The following MYRIP variants were observed in gnomAD, a reference collection of about 807,000 sequenced individuals.
The protein encoded by MYRIP is rab effector MyRIP.
A neutral mutation model predicts 98.0 loss-of-function variants in MYRIP; 49 were observed. The observed-to-expected ratio is 0.50, with a 90% CI of 0.40 to 0.63. MYRIP has a LOEUF of 0.63. Ranked by LOEUF, MYRIP falls within the 30% of genes least tolerant of loss-of-function variation. The pLI, the probability that MYRIP is intolerant of heterozygous loss-of-function variation, is 0.00. For missense variants in MYRIP, 1,004 were observed against 1,058.2 expected (o/e 0.95, Z 0.71); for synonymous variants, 404 against 409.5 (o/e 0.99, Z 0.16).
At chr3:40,167,076 G>A in intron 6 of MYRIP, 83 bp from the exon 7 acceptor site, 1 of 1,440,572 alleles carries the variant, frequency 6.9e-7, no homozygotes, top group Non-Finnish European at 9.8e-7. Context: ...CTCTGCTTTT[G>A]TGGTCAGGAC....
intron 3 of MYRIP, among the ~76,000 whole-genome samples, chr3:40,140,585 T>C (rs1396723564): frequency 2.6e-5 from 4 of 152,232 alleles, no homozygotes; most frequent in Non-Finnish European, 5.9e-5. Context: ...ACCAACAGTG[T>C]GTGAGAGTTC....
chr3:40,150,518 C>G (rs1950099317), intron 3 of MYRIP, among the ~76,000 whole-genome samples: 1 of 152,066 alleles, frequency 6.6e-6, no homozygotes, highest in African/African-American at 2.4e-5. Flanking sequence ...TTTTATTTTT[C>G]CAAGATGAAT....
chr3:39,952,750 G>A lies in MYRIP; in HGVS notation c.110+51824G>A, dbSNP rs118154315. ...ATTTTCCCCCTCTTTATTTATCTAC[G>A]AATGCCTTTGTTTTGCCCTCATTTT... is the stretch of plus-strand genomic sequence containing the variant. On this transcript the variant is annotated intron_variant, in intron 2 of 16. Transcript: ENST00000302541. Among the ~76,000 whole-genome samples, 168 of 152,144 alleles carry A rather than the reference G, an allele frequency of 1.1e-3. 4 individuals are homozygous for A. In the East Asian group the frequency reaches 0.027, roughly 24 times the overall value.
At chr3:39,967,077 G>A (rs984008882) in intron 2 of MYRIP, among the ~76,000 whole-genome samples, 1 of 152,092 alleles carries the variant, frequency 6.6e-6, no homozygotes, top group Non-Finnish European at 1.5e-5. Flanking sequence ...GGTTATTTAG[G>A]GGCAGACAGT....
At chr3:40,035,665 G>A (rs148739149) in intron 2 of MYRIP, among the ~76,000 whole-genome samples, 2 of 151,902 alleles carry the variant, frequency 1.3e-5, no homozygotes, top group Admixed American at 1.3e-4. Context: ...AGGACAGGCA[G>A]ACTTAAATGG....
intron 2 of MYRIP, among the ~76,000 whole-genome samples, chr3:39,915,224 C>G (rs529666487): frequency 3.7e-4 from 57 of 152,078 alleles, no homozygotes; most frequent in African/African-American, 8.9e-4. Flanking sequence ...CTTATTATCC[C>G]CAGTCATCTG....
chr3:40,013,311 G>A (rs924258338), intron 2 of MYRIP, among the ~76,000 whole-genome samples: 1 of 152,226 alleles, frequency 6.6e-6, no homozygotes, highest in Admixed American at 6.5e-5. Flanking sequence ...TGCAGGAGAA[G>A]CAAGTGTGCA....
At chr3:40,236,840 G>A (rs1236239325) in intron 12 of MYRIP, among the ~76,000 whole-genome samples, 1 of 150,258 alleles carries the variant, frequency 6.7e-6, no homozygotes, top group East Asian at 1.9e-4. Context: ...ATTGTTATTG[G>A]AGAGTGTTTT....
At chr3:39,917,152 C>T (rs115904892) in intron 2 of MYRIP, among the ~76,000 whole-genome samples, 124 of 152,144 alleles carry the variant, frequency 8.2e-4, no homozygotes, top group Non-Finnish European at 1.3e-3. Flanking sequence ...ATACAACATT[C>T]ATTTACAATA....
chr3:40,102,335 AT>A (rs1218386674), intron 3 of MYRIP, among the ~76,000 whole-genome samples: 1 of 152,200 alleles, frequency 6.6e-6, no homozygotes, highest in African/African-American at 2.4e-5. Context: ...GATGGTTGTA[AT>A]TCCTGAGCCT....
chr3:40,229,357 C>T (rs946410891), intron 11 of MYRIP, among the ~76,000 whole-genome samples: 3 of 152,044 alleles, frequency 2.0e-5, no homozygotes, highest in African/African-American at 7.2e-5. Flanking sequence ...TGCCTACAGT[C>T]CCTAGAGGAA....
chr3:40,044,298 C>A, intron 3 of MYRIP, 27 bp downstream of exon 3: 1 of 1,603,664 alleles, frequency 6.2e-7, no homozygotes, highest in Non-Finnish European at 8.5e-7. Flanking sequence ...TTCCCAGGGT[C>A]TACACTGTTG....
At chr3:40,193,289 T>G (rs1340694111) in intron 10 of MYRIP, among the ~76,000 whole-genome samples, 1 of 152,008 alleles carries the variant, frequency 6.6e-6, no homozygotes, top group Non-Finnish European at 1.5e-5. Flanking sequence ...CAATAATAGA[T>G]CCAACAAAAG....
intron 2 of MYRIP, among the ~76,000 whole-genome samples, chr3:39,909,236 A>C (rs1453848346): frequency 6.6e-6 from 1 of 152,184 alleles, no homozygotes; most frequent in Non-Finnish European, 1.5e-5. Flanking sequence ...GAGAGTGGAG[A>C]GGACTGATCT....
At chr3:39,818,424 T>G (rs1940992437) in intron 1 of MYRIP, among the ~76,000 whole-genome samples, 1 of 152,178 alleles carries the variant, frequency 6.6e-6, no homozygotes, top group African/African-American at 2.4e-5. Context: ...ATCTGCATAT[T>G]TATTGGCTCT....
intron 2 of MYRIP, among the ~76,000 whole-genome samples, chr3:40,030,930 G>A (rs1044441773): frequency 6.6e-5 from 10 of 152,026 alleles, no homozygotes; most frequent in African/African-American, 1.2e-4. Flanking sequence ...ACTAAAAACC[G>A]CTGAATTGTA....
intron 1 of MYRIP, among the ~76,000 whole-genome samples, chr3:39,883,130 G>T (rs1483051435): frequency 6.6e-6 from 1 of 152,156 alleles, no homozygotes; most frequent in African/African-American, 2.4e-5. Context: ...CAGCACTTTT[G>T]ACAGTTCCTT....
chr3:40,191,137 C>G (rs1294211858), intron 10 of MYRIP, among the ~76,000 whole-genome samples: 1 of 152,072 alleles, frequency 6.6e-6, no homozygotes, highest in African/African-American at 2.4e-5. Context: ...TGGTTTAGTT[C>G]AAGAAAAATG....
intron 16 of MYRIP, among the ~76,000 whole-genome samples, chr3:40,254,227 G>A (rs1024081207): frequency 5.9e-5 from 9 of 152,174 alleles, no homozygotes; most frequent in African/African-American, 1.4e-4. Flanking sequence ...GCCTTTCTCC[G>A]AAGGTGATTT....
Sources: gnomAD v4.1 joint callset for allele counts (sites outside exome capture counted in the v4.1 genomes callset) on GRCh38, gnomAD v4.1.1 for gene constraint, MANE v1.5 for transcripts, NCBI Gene and HGNC (gene_info 2026-07-23, HGNC 2026-07-21) for gene names.